Variants in BAG1 observed in about 807,000 individuals in gnomAD.
BAG1 encodes the protein BAG family molecular chaperone regulator 1.
BAG1 carries 35 observed loss-of-function variants against 35.5 expected under a neutral mutation model. That is an observed-to-expected ratio of 0.99 (90% CI 0.75 to 1.31). The LOEUF (loss-of-function observed/expected upper bound fraction) is 1.31, where lower values mean the gene tolerates loss of function less well. Ranked by LOEUF, BAG1 falls within the 50% of genes most tolerant of loss-of-function variation. The pLI is 0.00. For missense variants in BAG1, 464 were observed against 453.6 expected, an observed-to-expected ratio of 1.02 and a Z score of -0.21; for synonymous variants, 191 against 178.9, an observed-to-expected ratio of 1.07 and a Z score of -0.54.
intron 1 of BAG1, among the ~76,000 whole-genome samples, chr9:33,263,295 A>G (rs1184958940): frequency 1.3e-5 from 2 of 152,154 alleles, no homozygotes; most frequent in Non-Finnish European, 2.9e-5. Flanking sequence ...CCTGTATTGT[A>G]TTGGTCTCGT....
intron 2 of BAG1, chr9:33,262,103 AC>A: frequency 7.8e-7 from 1 of 1,288,786 alleles, no homozygotes. Flanking sequence ...AGATGATCTA[AC>A]CTAGCGAGGG....
Position 33,255,077 on chromosome 9 carries a change from G to T in BAG1, c.*142C>A. ...AATCACAAAGACACTATTTTTCATT[G>T]AGAACCAGTGTGAGAGTAGGAAAAT... On this transcript the variant is annotated 3_prime_UTR_variant, in exon 7 of 7. Transcript: ENST00000634734. 3 of 1,585,132 alleles carry T rather than the reference G, an allele frequency of 1.9e-6. No individual in the cohort carries two copies. The highest frequency in any genetic ancestry group is 2.6e-6 in the Non-Finnish European group (3 of 1,163,590).
At chr9:33,255,974 G>T in intron 5 of BAG1, 47 bp from the exon 6 acceptor site, 3 of 1,521,116 alleles carry the variant, frequency 2.0e-6, no homozygotes, top group Non-Finnish European at 2.7e-6. Flanking sequence ...TAGTAAACAT[G>T]TAACAAATAA....
chr9:33,262,851 T>C, intron 1 of BAG1, 21 bp from the exon 2 acceptor site: 1 of 1,609,258 alleles, frequency 6.2e-7, no homozygotes, highest in Middle Eastern at 1.7e-4. Flanking sequence ...AGAAAAGCAT[T>C]TGACGAATAT....
At chr9:33,255,760 C>A in intron 6 of BAG1, 105 bp downstream of exon 6, 3 of 1,258,764 alleles carry the variant, frequency 2.4e-6, no homozygotes, top group South Asian at 2.5e-5. Flanking sequence ...CAAAACAAGC[C>A]CATACCACAC....
chr9:33,264,567 C>G lies in BAG1; in HGVS notation c.108G>C (p.Pro36=). The G allele has an allele frequency of 6.3e-6, 9 of 1,432,992 alleles. No individual in the cohort carries two copies. Among genetic ancestry groups the G allele is most frequent in the Non-Finnish European group, 8.2e-6 (9 of 1,102,200 alleles). 88.8% of individuals were successfully genotyped at this position (1,432,992 alleles called of 1,614,324 possible). ...CAGAGGGAGGCGGACCACGCTGGGC[C>G]GGGGGCTCCGACTGGCGCGGCTCCC... Residue 36 remains proline, a synonymous_variant, in exon 1 of 7, where the codon CCG becomes CCC. Transcript: ENST00000634734.
At chr9:33,258,769 G>A in intron 4 of BAG1, 151 bp downstream of exon 4, 1 of 593,904 alleles carries the variant, frequency 1.7e-6, no homozygotes, top group South Asian at 2.3e-5. Context: ...AGGAACTTGA[G>A]ACAAAGATAA....
rs1820420849 is a variant in BAG1 at position 33,255,007 on chromosome 9, C to G, written c.*212G>C. The G allele has an allele frequency of 2.0e-6, 3 of 1,510,880 alleles. No homozygotes were observed. The highest frequency in any genetic ancestry group is 2.7e-6 in the Non-Finnish European group (3 of 1,121,888). The allele number at this position is 1,510,880 out of a possible 1,614,324, so 93.6% of individuals were successfully genotyped here. A position where few individuals can be genotyped will look rare whatever the true frequency, so the allele number is the denominator to read the frequency against. On this transcript the variant is annotated 3_prime_UTR_variant, in exon 7 of 7. Transcript: ENST00000634734. The stretch of plus-strand genomic sequence containing the variant: ...AGAAAAGGTGGATTGCTGGACAGTA[C>G]AACCACAGAGACAGAAGGAGAAAAC...
intron 6 of BAG1, among the ~76,000 whole-genome samples, chr9:33,255,542 G>C (rs1253493686): frequency 1.3e-5 from 2 of 152,252 alleles, no homozygotes; most frequent in Non-Finnish European, 2.9e-5. Flanking sequence ...GGTAAAGGCA[G>C]GGAGCTTTGC....
intron 3 of BAG1, 134 bp from the exon 4 acceptor site, chr9:33,259,167 C>T (rs553786596): frequency 1.6e-6 from 1 of 610,678 alleles, no homozygotes. Flanking sequence ...TCAAGACCAG[C>T]CTGGCCAACA....
At position 33,261,857 on chromosome 9, in the gene BAG1, G is replaced by A. The variant is rs1233955260; in HGVS notation, c.581-688C>T. 13 of 983,332 alleles carry A rather than the reference G, an allele frequency of 1.3e-5. No homozygotes were observed. In the East Asian group the frequency reaches 1.3e-3, roughly 95 times the overall value. The allele number at this position is 983,332 out of a possible 1,614,324, so 60.9% of individuals were successfully genotyped here. On this transcript the variant is annotated intron_variant, in intron 2 of 6. Coordinates refer to ENST00000634734, the MANE Select transcript of BAG1 (RefSeq NM_004323.6). ...AGGGTGTGGGTCCTGGCAGAAATGA[G>A]CATCATGCATCCACTGAGCCCGCCA... is the stretch of plus-strand genomic sequence containing the variant.
At chr9:33,262,381 G>C (rs761749085) in intron 2 of BAG1, 61 of 1,124,158 alleles carry the variant, frequency 5.4e-5, no homozygotes, top group Non-Finnish European at 6.6e-5. Flanking sequence ...CCTTGGCCAG[G>C]TGCAGTGGCT....
intron 5 of BAG1, 22 bp downstream of exon 5, chr9:33,256,779 T>C (rs1332507283): frequency 6.3e-7 from 1 of 1,586,492 alleles, no homozygotes; most frequent in East Asian, 2.2e-5. Flanking sequence ...AACTAGTTCT[T>C]CTCAGCTGAA....
At chr9:33,258,825 G>T (rs567154747) in intron 4 of BAG1, 95 bp downstream of exon 4, 155 of 972,296 alleles carry the variant, frequency 1.6e-4, no homozygotes, top group Non-Finnish European at 2.4e-4. Flanking sequence ...TCTGAACCCA[G>T]GGAGTCTGAC....
chr9:33,264,096 A>T (rs1820645023), intron 1 of BAG1, 128 bp downstream of exon 1: 1 of 1,138,166 alleles, frequency 8.8e-7, no homozygotes, highest in South Asian at 1.5e-5. Context: ...GACACAACCA[A>T]TAACCCACGC....
chr9:33,264,477 G>A lies in BAG1; in HGVS notation c.198C>T (p.Gly66=). The stretch of plus-strand genomic sequence containing the variant: ...TCTTCTTCATCCGCGGCCTGCGAGC[G>A]CCGGCGGCGGCGCCCCTGGTGGGTC... The change falls in exon 1 of 7, where the codon GGC becomes GGT. Residue 66 remains glycine (G), a synonymous_variant. Coordinates refer to ENST00000634734, the MANE Select transcript of BAG1 (RefSeq NM_004323.6). The A allele has an allele frequency of 1.2e-6, 2 of 1,611,612 alleles. No individual in the cohort carries two copies. The highest frequency in any genetic ancestry group is 2.2e-5 in the East Asian group (1 of 44,842).
intron 4 of BAG1, 62 bp downstream of exon 4, chr9:33,258,858 A>G (rs1820510139): frequency 7.1e-6 from 10 of 1,415,274 alleles, no homozygotes; most frequent in Admixed American, 6.8e-5. Flanking sequence ...CCCCATAACC[A>G]CAAGTTATAT....
intron 4 of BAG1, chr9:33,257,369 T>C (rs1265038888): frequency 6.4e-6 from 1 of 155,088 alleles, no homozygotes; most frequent in Non-Finnish European, 1.4e-5. Flanking sequence ...AAAGGGAATA[T>C]ATGTACATGT....
chr9:33,262,742 G>T lies in BAG1; in HGVS notation c.540C>A (p.Val180=), dbSNP rs753103020. ...TCTGAAAAGACTGTGGAACCCCTAT[G>T]ACCTCTTCAACAACCTGGGCCAGGT... The change falls in exon 2 of 7, where the codon GTC becomes GTA. Residue 180 remains valine (V), a synonymous_variant. Coordinates refer to ENST00000634734, the MANE Select transcript of BAG1 (RefSeq NM_004323.6). The T allele has an allele frequency of 8.1e-6, 13 of 1,614,048 alleles. No homozygotes were observed. Among genetic ancestry groups the T allele is most frequent in the Admixed American group, 6.7e-5 (4 of 60,016 alleles).
Sources: gnomAD v4.1 joint callset for allele counts (sites outside exome capture counted in the v4.1 genomes callset) on GRCh38, gnomAD v4.1.1 for gene constraint, MANE v1.5 for transcripts, NCBI Gene and HGNC (gene_info 2026-07-23, HGNC 2026-07-21) for gene names.